C12orf42: variants seen among roughly 807,000 people sequenced by gnomAD.
The protein encoded by C12orf42 is uncharacterized protein C12orf42.
In C12orf42, 25 loss-of-function variants were observed where a neutral mutation model predicts 21.6. The ratio of observed to expected loss-of-function variants is 1.16; its 90% confidence interval spans 0.84 to 1.62. The LOEUF (loss-of-function observed/expected upper bound fraction) is 1.62. C12orf42 is among the 40% of genes most tolerant of loss of function. The pLI is 0.00. For missense variants in C12orf42, 483 were observed against 459.3 expected (o/e 1.05, Z -0.47); for synonymous variants, 174 against 175.0 (o/e 0.99, Z 0.05).
the C12orf42 span, among the ~76,000 whole-genome samples, chr12:103,107,184 C>T: frequency 6.6e-6 from 1 of 151,926 alleles, no homozygotes; most frequent in East Asian, 1.9e-4. Context: ...TCACATACTT[C>T]TTTGAGAAAT....
At chr12:103,200,843 A>G in the C12orf42 span, among the ~76,000 whole-genome samples, 1 of 152,242 alleles carries the variant, frequency 6.6e-6, no homozygotes, top group Admixed American at 6.5e-5. Flanking sequence ...TTAGGCTCAA[A>G]CACATCTTTA....
intron 2 of C12orf42, among the ~76,000 whole-genome samples, chr12:103,416,854 T>G (rs1034570954): frequency 6.6e-6 from 1 of 152,214 alleles, no homozygotes; most frequent in African/African-American, 2.4e-5. Context: ...AAGCAAGCTT[T>G]GCAACTGAGT....
the C12orf42 span, among the ~76,000 whole-genome samples, chr12:103,066,699 C>T: frequency 6.6e-6 from 1 of 152,126 alleles, no homozygotes; most frequent in Non-Finnish European, 1.5e-5. Flanking sequence ...AATGGTTTGG[C>T]CTGATGGTCA....
chr12:103,289,636 G>T (rs1479406773), intron 4 of C12orf42, among the ~76,000 whole-genome samples: 5 of 152,076 alleles, frequency 3.3e-5, no homozygotes, highest in Admixed American at 2.0e-4. Flanking sequence ...TGCAATAAAA[G>T]ATTCTATAGG....
the C12orf42 span, among the ~76,000 whole-genome samples, chr12:103,210,664 T>C: frequency 6.7e-6 from 1 of 150,088 alleles, no homozygotes; most frequent in Admixed American, 6.6e-5. Flanking sequence ...TTTTTTGCTT[T>C]TAGTTTTCTT....
intron 4 of C12orf42, among the ~76,000 whole-genome samples, chr12:103,360,954 C>G (rs2137688879): frequency 6.6e-6 from 1 of 152,236 alleles, no homozygotes; most frequent in East Asian, 1.9e-4. Context: ...AGTTTATACT[C>G]TTGCACCATT....
At chr12:103,227,918 T>A in the C12orf42 span, among the ~76,000 whole-genome samples, 1 of 151,904 alleles carries the variant, frequency 6.6e-6, no homozygotes, top group Admixed American at 6.6e-5. Flanking sequence ...TGAGGGACAG[T>A]GAGAGAGGTT....
intron 2 of C12orf42, among the ~76,000 whole-genome samples, chr12:103,410,685 A>G (rs2048769434): frequency 6.6e-6 from 1 of 152,234 alleles, no homozygotes; most frequent in Non-Finnish European, 1.5e-5. Context: ...CAAGAATAGC[A>G]TGGAAAGCAG....
intron 4 of C12orf42, among the ~76,000 whole-genome samples, chr12:103,309,447 A>T (rs1320233838): frequency 6.6e-6 from 1 of 152,256 alleles, no homozygotes; most frequent in African/African-American, 2.4e-5. Context: ...CATACAAAAT[A>T]TATGTTAATT....
the C12orf42 span, among the ~76,000 whole-genome samples, chr12:103,129,576 T>C: frequency 0.019 from 2,959 of 152,332 alleles, 58 homozygotes; most frequent in African/African-American, 0.048. Context: ...TCTGAAGTGA[T>C]TATTCTTCTG....
At chr12:103,384,868 A>G (rs1000152564) in intron 3 of C12orf42, among the ~76,000 whole-genome samples, 48 of 152,338 alleles carry the variant, frequency 3.2e-4, no homozygotes, top group African/African-American at 1.1e-3. Flanking sequence ...AGACATAAAA[A>G]TTAGGAGACC....
chr12:103,495,218 G>C (rs939815099), intron 1 of C12orf42, among the ~76,000 whole-genome samples: 3 of 144,260 alleles, frequency 2.1e-5, no homozygotes, highest in Admixed American at 1.4e-4. Flanking sequence ...CACTTGGGGG[G>C]AATTAAAAGA....
At chr12:103,122,000 T>C in the C12orf42 span, among the ~76,000 whole-genome samples, 4 of 152,234 alleles carry the variant, frequency 2.6e-5, no homozygotes, top group Non-Finnish European at 5.9e-5. Context: ...CCCTTGTCTC[T>C]GCTCAAGGTA....
At chr12:103,378,955 G>C (rs1343986) in intron 3 of C12orf42, among the ~76,000 whole-genome samples, 21,051 of 151,718 alleles carry the variant, frequency 0.14, 2,055 homozygotes, top group African/African-American at 0.28. Flanking sequence ...GAAAAGATAG[G>C]GTTTTAAAAA....
chr12:103,532,925 G>A, the C12orf42 span, among the ~76,000 whole-genome samples: 1 of 152,324 alleles, frequency 6.6e-6, no homozygotes, highest in South Asian at 2.1e-4. Context: ...CAGGCAAGGT[G>A]AAGCGCGGAT....
chr12:103,106,150 G>A, the C12orf42 span, among the ~76,000 whole-genome samples: 8 of 152,030 alleles, frequency 5.3e-5, no homozygotes, highest in African/African-American at 1.9e-4. Context: ...TAGTAGGGTG[G>A]CAAAAGACTT....
At chr12:103,329,305 T>C (rs2041000966) in intron 4 of C12orf42, among the ~76,000 whole-genome samples, 1 of 152,218 alleles carries the variant, frequency 6.6e-6, no homozygotes, top group Non-Finnish European at 1.5e-5. Flanking sequence ...ACCTTATAGT[T>C]TCAATGGTTA....
the C12orf42 span, among the ~76,000 whole-genome samples, chr12:103,168,476 A>G: frequency 6.6e-6 from 1 of 152,308 alleles, no homozygotes; most frequent in South Asian, 2.1e-4. Context: ...CATTATTCTC[A>G]CTATGTTATA....
chr12:103,271,955 C>T (rs1030689438), intron 5 of C12orf42, among the ~76,000 whole-genome samples: 1 of 152,174 alleles, frequency 6.6e-6, no homozygotes, highest in African/African-American at 2.4e-5. Flanking sequence ...AGCTCTATTA[C>T]CAACTCTGTA....
Sources: gnomAD v4.1 joint callset for allele counts (sites outside exome capture counted in the v4.1 genomes callset) on GRCh38, gnomAD v4.1.1 for gene constraint, MANE v1.5 for transcripts, NCBI Gene and HGNC (gene_info 2026-07-23, HGNC 2026-07-21) for gene names.